The following GREB1 variants were observed in gnomAD, a reference collection of about 807,000 sequenced individuals.
GREB1 encodes the protein growth regulating estrogen receptor binding 1.
GREB1 carries 106 observed loss-of-function variants against 200.7 expected under a neutral mutation model. The observed-to-expected ratio is 0.53, with a 90% confidence interval of 0.45 to 0.62. The LOEUF (loss-of-function observed/expected upper bound fraction) is 0.62, where lower values mean the gene tolerates loss of function less well. Ranked by LOEUF, GREB1 falls within the 20% of genes least tolerant of loss-of-function variation. The pLI, the probability that GREB1 is intolerant of heterozygous loss-of-function variation, is 0.00. For synonymous variants in GREB1, 1,132 were observed against 1,092.4 expected (o/e 1.04, Z -0.72); for missense variants, 2,243 against 2,556.8 (o/e 0.88, Z 2.65).
intron 3 of GREB1, among the ~76,000 whole-genome samples, chr2:11,565,762 C>A (rs1449661566): frequency 6.6e-6 from 1 of 152,172 alleles, no homozygotes; most frequent in African/African-American, 2.4e-5. Context: ...CTCCCCATGA[C>A]CCCCTAGCGG....
chr2:11,597,024 C>T lies in GREB1; in HGVS notation c.1955-757C>T, dbSNP rs891564169. 4.2e-4 allele frequency among the ~76,000 whole-genome samples: 63 copies of T among 149,664 alleles called. No homozygotes were observed. Among genetic ancestry groups the T allele is most frequent in the Admixed American group, 1.3e-3 (19 of 15,080 alleles). ...GGGCATAGCTGTGTGCAGTGAGAGG[C>T]GCCAATGGGCACAGGTGTGCACCGT... On this transcript the variant is annotated intron_variant, in intron 13 of 32. Transcript: ENST00000381486. The surrounding 1 kb of genome is among the most constrained non-coding windows in gnomAD (Gnocchi z 4.1).
At chr2:11,608,724 T>C (rs975398872) in intron 17 of GREB1, among the ~76,000 whole-genome samples, 2 of 152,230 alleles carry the variant, frequency 1.3e-5, no homozygotes, top group Admixed American at 1.3e-4. Context: ...CAGGAACTAT[T>C]CCCAGCCCTA....
intron 9 of GREB1, among the ~76,000 whole-genome samples, chr2:11,586,359 T>C (rs796287293): frequency 1.3e-5 from 2 of 152,360 alleles, no homozygotes; most frequent in African/African-American, 4.8e-5. Flanking sequence ...TCTACTTTGG[T>C]TGGGCAAAGA....
intron 1 of GREB1, among the ~76,000 whole-genome samples, chr2:11,554,601 C>G (rs926302168): frequency 1.3e-5 from 2 of 152,182 alleles, no homozygotes; most frequent in African/African-American, 4.8e-5. Flanking sequence ...TAGATGAAGG[C>G]AGGAAACTGC....
intron 4 of GREB1, among the ~76,000 whole-genome samples, chr2:11,569,033 G>C (rs1677992922): frequency 6.6e-6 from 1 of 152,182 alleles, no homozygotes; most frequent in Admixed American, 6.5e-5. Flanking sequence ...GTAATACCTT[G>C]AGGGAAGCAG....
intron 1 of GREB1, among the ~76,000 whole-genome samples, chr2:11,534,992 G>A (rs1348881021): frequency 6.6e-6 from 1 of 152,182 alleles, no homozygotes; most frequent in Admixed American, 6.5e-5. Flanking sequence ...GCCAGACTGT[G>A]CGTTAGCGGC....
intron 15 of GREB1, among the ~76,000 whole-genome samples, chr2:11,599,842 T>C (rs112840876): frequency 0.034 from 5,241 of 152,140 alleles, 311 homozygotes; most frequent in African/African-American, 0.12. Flanking sequence ...TCTTAAGGGG[T>C]GATTTGACTC....
chr2:11,640,391 G>A lies in GREB1; in HGVS notation c.5787G>A (p.Glu1929=). ...EDEWQFRLRD[E]FQTANAREDR... The stretch of plus-strand genomic sequence containing the variant: ...AGTGGCAGTTCCGGCTGCGCGATGA[G>A]TTCCAGACCGCCAATGCCAGGGAAG... The change falls in exon 33 of 33, where the codon GAG becomes GAA. Residue 1929 remains glutamate, a synonymous_variant. Transcript: ENST00000381486. This position sits in a 1 kb window ranked among gnomAD's most constrained non-coding sequence, Gnocchi z 4.6. The A allele has an allele frequency of 5.6e-6, 9 of 1,614,236 alleles. No homozygotes were observed. Among genetic ancestry groups the A allele is most frequent in the Non-Finnish European group, 7.6e-6 (9 of 1,180,042 alleles).
chr2:11,585,131 A>C, intron 7 of GREB1, 30 bp from the exon 8 acceptor site: 1 of 1,247,110 alleles, frequency 8.0e-7, no homozygotes, highest in Non-Finnish European at 1.1e-6. Context: ...TCCTGGTGAT[A>C]GCCTAATCCA....
At chr2:11,487,612 G>A (rs888808876) in intron 1 of GREB1, among the ~76,000 whole-genome samples, 3 of 152,172 alleles carry the variant, frequency 2.0e-5, no homozygotes, top group Admixed American at 2.0e-4. Context: ...AACTGATTCC[G>A]ATAACTTCTT....
chr2:11,488,079 A>G (rs977334352), intron 1 of GREB1, among the ~76,000 whole-genome samples: 11 of 152,198 alleles, frequency 7.2e-5, no homozygotes, highest in African/African-American at 2.7e-4. Flanking sequence ...TTACTGAAGC[A>G]TATGCTCTGC....
In GREB1 at chr2:11,566,910, A is replaced by G. The variant is rs1194376226; in HGVS notation, c.454+254A>G. 2.0e-5 allele frequency among the ~76,000 whole-genome samples: 3 copies of G among 152,160 alleles called. No homozygotes were observed. The East Asian group carries it at 5.8e-4, about 29-fold the overall frequency. ...TTCATTTTTCATACATTTATTCCTC[A>G]AACCTCCTTAAGTGCCTGCTTGTGT... On this transcript the variant is annotated intron_variant, in intron 4 of 32. Coordinates refer to ENST00000381486, the MANE Select transcript of GREB1 (RefSeq NM_014668.4).
chr2:11,568,528 A>C (rs1352005963), intron 4 of GREB1, among the ~76,000 whole-genome samples: 2 of 152,282 alleles, frequency 1.3e-5, no homozygotes, highest in African/African-American at 4.8e-5. Context: ...AGCTGATGGA[A>C]TAATTCAATG....
chr2:11,622,004 A>G (rs947826876), intron 23 of GREB1, among the ~76,000 whole-genome samples: 1 of 152,244 alleles, frequency 6.6e-6, no homozygotes, highest in Admixed American at 6.5e-5. Flanking sequence ...CATTCTTTAA[A>G]TCTTATCTCT....
At chr2:11,507,948 G>A (rs575738985) in intron 1 of GREB1, among the ~76,000 whole-genome samples, 2 of 152,316 alleles carry the variant, frequency 1.3e-5, no homozygotes, top group African/African-American at 4.8e-5. Context: ...CATCTAAACA[G>A]AGGCTGCATT....
intron 20 of GREB1, 63 bp from the exon 21 acceptor site, chr2:11,616,568 G>A (rs190291225): frequency 2.0e-5 from 20 of 1,001,098 alleles, no homozygotes; most frequent in African/African-American, 1.9e-4. Context: ...ACACTGTGAA[G>A]TGCTGGGCAA....
At chr2:11,602,677 A>C in intron 17 of GREB1, 135 bp downstream of exon 17, 1 of 714,760 alleles carries the variant, frequency 1.4e-6, no homozygotes, top group Non-Finnish European at 2.4e-6. Context: ...CACTAAATGT[A>C]CCCTGGTTTT....
intron 1 of GREB1, among the ~76,000 whole-genome samples, chr2:11,488,909 A>G (rs777267252): frequency 2.1e-5 from 3 of 143,350 alleles, no homozygotes; most frequent in East Asian, 2.0e-4. Flanking sequence ...AGCCCTTTAT[A>G]TGACACACCG....
intron 1 of GREB1, among the ~76,000 whole-genome samples, chr2:11,534,870 G>A (rs898666272): frequency 6.6e-6 from 1 of 152,154 alleles, no homozygotes; most frequent in African/African-American, 2.4e-5. Flanking sequence ...TAAGAGTGAG[G>A]CAGAGAAGGT....
Sources: gnomAD v4.1 joint callset for allele counts (sites outside exome capture counted in the v4.1 genomes callset) on GRCh38, gnomAD v4.1.1 for gene constraint, Gnocchi (gnomAD v3.1) non-coding constraint, MANE v1.5 for transcripts, NCBI Gene and HGNC (gene_info 2026-07-23, HGNC 2026-07-21) for gene names.